NLRC5: variants seen among roughly 807,000 people sequenced by gnomAD.
The protein encoded by NLRC5 is protein NLRC5.
Under a neutral mutation model 206.9 loss-of-function variants are expected in NLRC5, and 114 were observed. The ratio of observed to expected loss-of-function variants is 0.55; its 90% confidence interval spans 0.47 to 0.64. The LOEUF is 0.64. NLRC5 is among the 30% of genes least tolerant of loss of function. The pLI is 0.00. For missense variants in NLRC5, 2,008 were observed against 2,305.5 expected (o/e 0.87, Z 2.64); for synonymous variants, 952 against 962.8 (o/e 0.99, Z 0.21).
At position 57,033,365 on chromosome 16, in the gene NLRC5, C is replaced by T. The variant is rs543012149; in HGVS notation, c.2478-239C>T. Among the ~76,000 whole-genome samples the T allele has an allele frequency of 2.0e-5, 3 of 152,358 alleles. No homozygotes were observed. In the East Asian group the frequency reaches 5.8e-4, roughly 29 times the overall value. ...GCCGACTGCAGTGATTTGCCCAAGGCCACATGGCTATACATGGCAGAGCCA... is the reference window on the plus strand; with the variant it reads ...GCCGACTGCAGTGATTTGCCCAAGGTCACATGGCTATACATGGCAGAGCCA... On this transcript the variant is annotated intron_variant, in intron 11 of 48. Coordinates refer to ENST00000688547, the MANE Select transcript of NLRC5 (RefSeq NM_001384950.1).
chr16:57,028,190 G>C, intron 7 of NLRC5, 35 bp downstream of exon 7: 1 of 1,590,986 alleles, frequency 6.3e-7, no homozygotes, highest in Non-Finnish European at 8.6e-7. Flanking sequence ...AGGGTCTTCA[G>C]CTGGGGATGC....
intron 38 of NLRC5, 115 bp from the exon 39 acceptor site, chr16:57,074,483 GAT>G (rs1391860696): frequency 7.4e-6 from 6 of 806,270 alleles, no homozygotes; most frequent in African/African-American, 1.7e-5. Context: ...ACACTGTGTG[GAT>G]ATAAGTGGCT....
At chr16:57,082,064 A>T (rs2069217184) in intron 48 of NLRC5, among the ~76,000 whole-genome samples, 1 of 152,262 alleles carries the variant, frequency 6.6e-6, no homozygotes, top group Admixed American at 6.5e-5. Flanking sequence ...TTTCTAGCAG[A>T]TGAGAGTAAA....
Position 57,047,626 on chromosome 16 carries a change from G to T in NLRC5, c.3420G>T (p.Leu1140=), listed in dbSNP as rs144733674. The T allele has an allele frequency of 6.2e-7, 1 of 1,612,112 alleles. No homozygotes were observed. Among genetic ancestry groups the T allele is most frequent in the African/African-American group, 1.3e-5 (1 of 74,890 alleles). The change falls in exon 23 of 49, where the codon CTG becomes CTT. Residue 1140 remains leucine (L), a splice_region_variant and synonymous_variant. Coordinates refer to ENST00000688547, the MANE Select transcript of NLRC5 (RefSeq NM_001384950.1). ...AGGACTGCCCGGGACCCCTGGAACTGCAGTAAGTAACGAGGACACAGCCCC... is the reference window on the plus strand; with the variant it reads ...AGGACTGCCCGGGACCCCTGGAACTTCAGTAAGTAACGAGGACACAGCCCC... ...TLKDCPGPLE[L]QLSCEFLSDQ...
chr16:57,033,180 C>A (rs930496519), intron 11 of NLRC5, among the ~76,000 whole-genome samples: 1 of 152,178 alleles, frequency 6.6e-6, no homozygotes, highest in Non-Finnish European at 1.5e-5. Flanking sequence ...GACAGCACAT[C>A]CACAAATGGA....
At chr16:57,010,543 T>C (rs1019661335) in intron 1 of NLRC5, among the ~76,000 whole-genome samples, 6 of 152,134 alleles carry the variant, frequency 3.9e-5, no homozygotes, top group Admixed American at 1.3e-4. Context: ...CCAGCTAATC[T>C]TTTATTTTTT....
At chr16:56,996,941 C>T (rs1046852407) in intron 1 of NLRC5, among the ~76,000 whole-genome samples, 1 of 152,140 alleles carries the variant, frequency 6.6e-6, no homozygotes, top group Admixed American at 6.5e-5. Flanking sequence ...GTGATCACAG[C>T]CCACTGCAGC....
At chr16:57,076,218 T>C (rs1221617073) in intron 39 of NLRC5, among the ~76,000 whole-genome samples, 2 of 152,156 alleles carry the variant, frequency 1.3e-5, no homozygotes, top group South Asian at 2.1e-4. Flanking sequence ...CCCAGCCCCA[T>C]TAAAATTTAA....
chr16:57,069,693 A>G, intron 36 of NLRC5, 143 bp from the exon 37 acceptor site: 2 of 684,654 alleles, frequency 2.9e-6, no homozygotes, highest in Non-Finnish European at 5.2e-6. Context: ...TTCATGGTGG[A>G]AGAGATTTAC....
intron 46 of NLRC5, among the ~76,000 whole-genome samples, chr16:57,079,923 A>G (rs1014983454): frequency 1.3e-5 from 2 of 152,140 alleles, no homozygotes; most frequent in Non-Finnish European, 2.9e-5. Flanking sequence ...TTTTGGTCCA[A>G]CCTTCCTTTT....
At chr16:57,051,020 T>A (rs573807620) in intron 23 of NLRC5, among the ~76,000 whole-genome samples, 22 of 151,244 alleles carry the variant, frequency 1.5e-4, no homozygotes, top group Middle Eastern at 3.4e-3. Context: ...GCCTGGCTAA[T>A]TTTTTTTTCG....
chr16:57,031,473 CA>C lies in NLRC5; in HGVS notation c.2477+12del, dbSNP rs1169858565. 3 of 1,613,602 alleles carry C rather than the reference CA, an allele frequency of 1.9e-6. No individual in the cohort carries two copies. The highest frequency in any genetic ancestry group is 2.5e-6 in the Non-Finnish European group (3 of 1,179,904). On this transcript the variant is annotated intron_variant, in intron 11 of 48. Transcript: ENST00000688547. ...CTGCAGAGCTACAAAGGTAAGAAGC[CA>C]AGAGGCGGTGGGCCTGGGGCCATCC...
Position 57,040,566 on chromosome 16 carries a change from A to T in NLRC5, c.2871-84A>T. 2.9e-6 allele frequency: 4 copies of T among 1,365,772 alleles called. No individual in the cohort carries two copies. The South Asian group carries it at 4.7e-5, about 16-fold the overall frequency. The allele number at this position is 1,365,772 out of a possible 1,614,324, so 84.6% of individuals were successfully genotyped here. On this transcript the variant is annotated intron_variant, in intron 16 of 48. Transcript: ENST00000688547. ...GACTCTAGGTGGAGGATAGGGCTCGATGGTGGAAGGCCAGGCTGAGGATGG... is the reference window on the plus strand; with the variant it reads ...GACTCTAGGTGGAGGATAGGGCTCGTTGGTGGAAGGCCAGGCTGAGGATGG...
At chr16:57,005,041 C>A (rs1461453390) in intron 1 of NLRC5, among the ~76,000 whole-genome samples, 2 of 152,130 alleles carry the variant, frequency 1.3e-5, no homozygotes, top group African/African-American at 4.8e-5. Context: ...TTTCTCTCAG[C>A]GCCCCCATTT....
At chr16:57,038,320 A>G (rs2062856820) in intron 15 of NLRC5, among the ~76,000 whole-genome samples, 1 of 152,206 alleles carries the variant, frequency 6.6e-6, no homozygotes, top group South Asian at 2.1e-4. Flanking sequence ...GTACAGTGAC[A>G]CAATCACAGC....
Position 57,081,703 on chromosome 16 carries a change from G to C in NLRC5, c.5489+93G>C, listed in dbSNP as rs1011126206. 45 of 1,096,610 alleles carry C rather than the reference G, an allele frequency of 4.1e-5. No individual in the cohort carries two copies. The East Asian group carries it at 1.1e-3, about 26-fold the overall frequency. 67.9% of individuals were successfully genotyped at this position (1,096,610 alleles called of 1,614,324 possible). ...CTCCCTGGAGGAGGCGGCAGGGCCT[G>C]GGCTGGGGATTATCAAAGGAGACTT... On this transcript the variant is annotated intron_variant, in intron 48 of 48. Coordinates refer to ENST00000688547, the MANE Select transcript of NLRC5 (RefSeq NM_001384950.1).
At chr16:56,995,871 C>A (rs2057537190) in intron 1 of NLRC5, among the ~76,000 whole-genome samples, 1 of 152,204 alleles carries the variant, frequency 6.6e-6, no homozygotes, top group Admixed American at 6.5e-5. Flanking sequence ...TCAGTGTTTT[C>A]CCAGAGAAAG....
chr16:57,070,205 T>C (rs2067477987), intron 37 of NLRC5, among the ~76,000 whole-genome samples: 1 of 151,990 alleles, frequency 6.6e-6, no homozygotes. Flanking sequence ...TCTGCTGGGC[T>C]GGCTGTGGGA....
At chr16:57,066,981 G>A (rs1381516423) in intron 34 of NLRC5, among the ~76,000 whole-genome samples, 1 of 142,214 alleles carries the variant, frequency 7.0e-6, no homozygotes, top group Non-Finnish European at 1.5e-5. Context: ...AGGCCCCCTG[G>A]ACCCCAAGGC....
Sources: gnomAD v4.1 joint callset for allele counts (sites outside exome capture counted in the v4.1 genomes callset) on GRCh38, gnomAD v4.1.1 for gene constraint, MANE v1.5 for transcripts, NCBI Gene and HGNC (gene_info 2026-07-23, HGNC 2026-07-21) for gene names.